Variants in THOP1 observed in about 807,000 individuals in gnomAD.
THOP1 encodes thimet oligopeptidase.
Under a neutral mutation model 71.8 loss-of-function variants are expected in THOP1, and 49 were observed. The ratio of observed to expected loss-of-function variants is 0.68; its 90% CI spans 0.54 to 0.87. The LOEUF (loss-of-function observed/expected upper bound fraction) is 0.87. Among genes scored for constraint, THOP1 ranks in the 40% least tolerant of loss-of-function variants. The pLI is 0.00. For missense variants in THOP1, 843 were observed against 975.6 expected, an observed-to-expected ratio of 0.86 and a Z score of 1.81; for synonymous variants, 426 against 421.5, an observed-to-expected ratio of 1.01 and a Z score of -0.13.
At chr19:2,799,597 C>A in intron 4 of THOP1, 92 bp from the exon 5 acceptor site, 2 of 1,018,602 alleles carry the variant, frequency 2.0e-6, no homozygotes, top group Non-Finnish European at 3.0e-6. Context: ...GGAAATCCCT[C>A]AGCCCTCGGC....
At chr19:2,810,210 C>G in intron 9 of THOP1, 94 bp from the exon 10 acceptor site, 1 of 1,460,988 alleles carries the variant, frequency 6.8e-7, no homozygotes, top group Non-Finnish European at 9.2e-7. Flanking sequence ...TGTGCACTCG[C>G]CCTGTTTGCA....
Position 2,810,899 on chromosome 19 carries a change from G to A in THOP1, c.1771+131G>A, listed in dbSNP as rs891840299. On this transcript the variant is annotated intron_variant, in intron 11 of 12. Coordinates refer to ENST00000307741, the MANE Select transcript of THOP1 (RefSeq NM_003249.5). The stretch of plus-strand genomic sequence containing the variant: ...TCCCTGCTGGGGAGCCACGGAGCGC[G>A]TCCCAGGCTCCTCGGGGGACAGCCC... The A allele has an allele frequency of 3.6e-5, 50 of 1,381,310 alleles. No homozygotes were observed. In the East Asian group the frequency reaches 5.4e-4, roughly 15 times the overall value. 85.6% of individuals were successfully genotyped at this position (1,381,310 alleles called of 1,614,324 possible).
In THOP1 at chr19:2,805,871, C is replaced by T. The variant is rs1414861501; in HGVS notation, c.750+695C>T. 7.3e-6 allele frequency: 1 copy of T among 136,380 alleles called. No individual in the cohort carries two copies. The highest frequency in any genetic ancestry group is 1.6e-5 in the Non-Finnish European group (1 of 62,902). 8.4% of individuals were successfully genotyped at this position (136,380 alleles called of 1,614,324 possible). On this transcript the variant is annotated intron_variant, in intron 6 of 12. Coordinates refer to ENST00000307741, the MANE Select transcript of THOP1 (RefSeq NM_003249.5). The surrounding 1 kb of genome is among the most constrained non-coding windows in gnomAD (Gnocchi z 6.6). ...CGGGGGGACGGGCGGGTGCCCATCACTGCGGGGGGACGGGCGGGTGCCCAT... is the reference window on the plus strand; with the variant it reads ...CGGGGGGACGGGCGGGTGCCCATCATTGCGGGGGGACGGGCGGGTGCCCAT...
At chr19:2,807,992 TCTCA>T (rs1220964721) in intron 8 of THOP1, 184 bp downstream of exon 8, 12 of 816,208 alleles carry the variant, frequency 1.5e-5, no homozygotes, top group Admixed American at 3.3e-5. Flanking sequence ...CCGTTTCCAG[TCTCA>T]CTCAGCCACC....
At chr19:2,797,723 A>G (rs1176002893) in intron 4 of THOP1, among the ~76,000 whole-genome samples, 1 of 152,214 alleles carries the variant, frequency 6.6e-6, no homozygotes, top group Non-Finnish European at 1.5e-5. Flanking sequence ...TTATTGGGAC[A>G]TACCCCTGTC....
intron 2 of THOP1, among the ~76,000 whole-genome samples, chr19:2,792,824 G>T (rs989686889): frequency 2.2e-4 from 33 of 151,884 alleles, no homozygotes; most frequent in African/African-American, 8.0e-4. Flanking sequence ...TGGCTAATTT[G>T]TTTTTTTAAA....
chr19:2,798,859 C>A (rs1252030577), intron 4 of THOP1, among the ~76,000 whole-genome samples: 1 of 152,246 alleles, frequency 6.6e-6, no homozygotes, highest in East Asian at 1.9e-4. Flanking sequence ...CTGCTGCCAG[C>A]CTGTCATGTG....
intron 1 of THOP1, among the ~76,000 whole-genome samples, chr19:2,786,550 A>C (rs1413616002): frequency 6.6e-6 from 1 of 151,524 alleles, no homozygotes; most frequent in Non-Finnish European, 1.5e-5. Context: ...GACCCTTTTA[A>C]TTTAGAGGCA....
chr19:2,792,577 C>T (rs1444354679), intron 2 of THOP1, among the ~76,000 whole-genome samples: 1 of 151,756 alleles, frequency 6.6e-6, no homozygotes, highest in Non-Finnish European at 1.5e-5. Context: ...GGCCAGACTG[C>T]AATTTGAATT....
chr19:2,798,788 G>T (rs1293739969), intron 4 of THOP1, among the ~76,000 whole-genome samples: 1 of 152,240 alleles, frequency 6.6e-6, no homozygotes, highest in Non-Finnish European at 1.5e-5. Flanking sequence ...GCCCCATGGA[G>T]CTGGGCTCCA....
chr19:2,802,030 C>T (rs549595275), intron 5 of THOP1, among the ~76,000 whole-genome samples: 2 of 151,782 alleles, frequency 1.3e-5, no homozygotes, highest in East Asian at 1.9e-4. Flanking sequence ...CTCCCGATAC[C>T]GCTACCTCTC....
chr19:2,812,495 C>G (rs1209470785), intron 12 of THOP1: 9 of 1,195,842 alleles, frequency 7.5e-6, no homozygotes, highest in African/African-American at 4.8e-5. Flanking sequence ...GACCTCCCCC[C>G]TCCTGAGGCA....
Position 2,810,740 on chromosome 19 carries a change from G to A in THOP1, c.1743G>A (p.Gln581=), listed in dbSNP as rs138334161. The A allele has an allele frequency of 7.3e-5, 117 of 1,601,088 alleles. 1 individual carries two copies. In the East Asian group the frequency reaches 1.1e-3, roughly 15 times the overall value. Residue 581 remains glutamine, a synonymous_variant, in exon 11 of 13, where the codon CAG becomes CAA. Coordinates refer to ENST00000307741, the MANE Select transcript of THOP1 (RefSeq NM_003249.5). Reference sequence around the variant, plus strand: ...CCGAGGAGTATGCGCGGCTCTGCCAGGAGATCCTCGGGGTCCCGGCCACGC... The same window carrying A: ...CCGAGGAGTATGCGCGGCTCTGCCAAGAGATCCTCGGGGTCCCGGCCACGC... ...DPAEEYARLC[Q]EILGVPATPG...
rs374578411 is a variant in THOP1 at position 2,810,403 on chromosome 19, C to T, written c.1555C>T (p.Leu519=). ...ENWVWEQEPL[L]RMSRHYRTGS... ...CTGGGTGTGGGAGCAGGAGCCGCTG[C>T]TGCGGATGTCGCGGCACTACCGCAC... Residue 519 remains leucine, a synonymous_variant, in exon 10 of 13, where the codon CTG becomes TTG. Coordinates refer to ENST00000307741, the MANE Select transcript of THOP1 (RefSeq NM_003249.5). 1.8e-4 allele frequency: 284 copies of T among 1,609,812 alleles called. No individual in the cohort carries two copies. The highest frequency in any genetic ancestry group is 2.0e-4 in the Middle Eastern group (1 of 5,116).
Position 2,806,922 on chromosome 19 carries a change from C to G in THOP1, c.756C>G (p.Asn252Lys). 6.2e-7 allele frequency: 1 copy of G among 1,612,922 alleles called. No individual in the cohort carries two copies. The highest frequency in any genetic ancestry group is 8.5e-7 in the Non-Finnish European group (1 of 1,179,726). ...EAFNCRCKEENCAILKELVTL... is the reference protein window; with the variant it reads ...EAFNCRCKEEKCAILKELVTL... ...TGTGGTGGTGTCGGTTGCAGGAGAA[C>G]TGCGCTATCCTCAAGGAGCTGGTGA... Residue 252 changes from asparagine (N) to lysine (K), a missense_variant, in exon 7 of 13, where the codon AAC (asparagine) becomes AAG (lysine). Asn to Lys is a moderately conservative substitution (Grantham distance 94). Coordinates refer to ENST00000307741, the MANE Select transcript of THOP1 (RefSeq NM_003249.5).
At chr19:2,807,175 G>A (rs952990963) in intron 7 of THOP1, 123 bp downstream of exon 7, 52 of 1,341,376 alleles carry the variant, frequency 3.9e-5, no homozygotes, top group East Asian at 7.6e-5. Context: ...GACTTCTGAC[G>A]CCTGCCCTGG....
rs1296185556 is a variant in THOP1 at position 2,804,276 on chromosome 19, G to A, written c.590-740G>A. ...GCTGTCGGGCAGGGGCCAGGTGGGA[G>A]GGTGTGGCTGCCGGGCAGCGGGGTG... On this transcript the variant is annotated intron_variant, in intron 5 of 12. Transcript: ENST00000307741. The surrounding 1 kb of genome is among the most constrained non-coding windows in gnomAD (Gnocchi z 4.7). Among the ~76,000 whole-genome samples the A allele has an allele frequency of 1.3e-5, 2 of 152,204 alleles. No homozygotes were observed. Among genetic ancestry groups the A allele is most frequent in the Non-Finnish European group, 2.9e-5 (2 of 68,038 alleles).
intron 10 of THOP1, 33 bp downstream of exon 10, chr19:2,810,523 C>G (rs1473326931): frequency 6.5e-7 from 1 of 1,534,278 alleles, no homozygotes; most frequent in East Asian, 2.4e-5. Context: ...AGGGTGCTAA[C>G]CTCGGGGGGC....
chr19:2,803,283 CTCTT>C (rs1426236896), intron 5 of THOP1, among the ~76,000 whole-genome samples: 1 of 152,228 alleles, frequency 6.6e-6, no homozygotes, highest in African/African-American at 2.4e-5. Flanking sequence ...GACACACACA[CTCTT>C]CTATTCTGTG....
Sources: gnomAD v4.1 joint callset for allele counts (sites outside exome capture counted in the v4.1 genomes callset) on GRCh38, gnomAD v4.1.1 for gene constraint, Gnocchi (gnomAD v3.1) non-coding constraint, MANE v1.5 for transcripts, NCBI Gene and HGNC (gene_info 2026-07-23, HGNC 2026-07-21) for gene names.